The following PLD5 variants were observed in gnomAD, a reference collection of about 807,000 sequenced individuals.
PLD5 encodes phospholipase D family member 5.
PLD5 carries 36 observed loss-of-function variants against 61.1 expected under a neutral mutation model. The observed-to-expected ratio is 0.59, with a 90% CI of 0.45 to 0.78. PLD5 has a LOEUF of 0.78. Ranked by LOEUF, PLD5 falls within the 30% of genes least tolerant of loss-of-function variation. The pLI is 0.00. For synonymous variants in PLD5, 243 were observed against 242.8 expected, an observed-to-expected ratio of 1.00 and a Z score of -0.01; for missense variants, 515 against 644.4, an observed-to-expected ratio of 0.80 and a Z score of 2.17.
chr1:242,223,076 T>C (rs2149015784), intron 4 of PLD5, among the ~76,000 whole-genome samples: 1 of 152,274 alleles, frequency 6.6e-6, no homozygotes, highest in South Asian at 2.1e-4. Context: ...AAGTCCAAGA[T>C]CAAGGCATTG....
chr1:242,292,369 G>A (rs112924532), intron 2 of PLD5, among the ~76,000 whole-genome samples: 8,655 of 152,182 alleles, frequency 0.057, 292 homozygotes, highest in Middle Eastern at 0.11. Flanking sequence ...GATATAAAAG[G>A]TATATGGAGA....
intron 1 of PLD5, among the ~76,000 whole-genome samples, chr1:242,448,541 G>A (rs1309668968): frequency 6.6e-6 from 1 of 152,036 alleles, no homozygotes; most frequent in Non-Finnish European, 1.5e-5. Flanking sequence ...ATGTTTAGTG[G>A]CCCCATTGTT....
At chr1:242,132,190 T>TGCG (rs1316958874) in intron 5 of PLD5, among the ~76,000 whole-genome samples, 8 of 9,720 alleles carry the variant, frequency 8.2e-4, no homozygotes, top group African/African-American at 1.9e-3. Context: ...ATGCAGTGAT[T>TGCG]GCGGGGGGGG....
intron 1 of PLD5, among the ~76,000 whole-genome samples, chr1:242,382,573 A>G (rs4658812): frequency 0.45 from 67,750 of 151,506 alleles, 15,323 homozygotes; most frequent in East Asian, 0.59. Flanking sequence ...AGAAGTGCCT[A>G]ACAGGCTTGG....
intron 5 of PLD5, among the ~76,000 whole-genome samples, chr1:242,177,233 C>T (rs1184946791): frequency 2.6e-5 from 4 of 152,050 alleles, no homozygotes; most frequent in Middle Eastern, 3.2e-3. Context: ...TACTATGGAG[C>T]CATAAAAAAT....
At chr1:242,402,035 A>G (rs75145249) in intron 1 of PLD5, among the ~76,000 whole-genome samples, 12,955 of 152,278 alleles carry the variant, frequency 0.085, 643 homozygotes, top group Middle Eastern at 0.19. Context: ...TTCCGCCTGC[A>G]CCATGCTTCT....
At chr1:242,161,956 C>T (rs1253221784) in intron 5 of PLD5, among the ~76,000 whole-genome samples, 1 of 152,170 alleles carries the variant, frequency 6.6e-6, no homozygotes, top group Non-Finnish European at 1.5e-5. Context: ...ACAACAGACA[C>T]AGCTGTTCAA....
At chr1:242,351,356 C>T (rs1393043569) in intron 1 of PLD5, among the ~76,000 whole-genome samples, 2 of 152,062 alleles carry the variant, frequency 1.3e-5, no homozygotes, top group Non-Finnish European at 2.9e-5. Context: ...GTGTCCCCAC[C>T]CAAATCTCAT....
At chr1:242,340,357 G>GTAAT (rs941680750) in intron 2 of PLD5, among the ~76,000 whole-genome samples, 11 of 152,034 alleles carry the variant, frequency 7.2e-5, no homozygotes, top group African/African-American at 2.4e-4. Context: ...GAGCAACACT[G>GTAAT]TAATTTAAAA....
chr1:242,284,119 C>CTTTT (rs565165218), intron 3 of PLD5, among the ~76,000 whole-genome samples: 18 of 75,948 alleles, frequency 2.4e-4, no homozygotes, highest in East Asian at 4.3e-4. Context: ...TTTCTTTTTC[C>CTTTT]TTTTTTTTTT....
chr1:242,514,236 C>G (rs1427785472), intron 1 of PLD5, among the ~76,000 whole-genome samples: 1 of 152,174 alleles, frequency 6.6e-6, no homozygotes. Context: ...CCCAGATATA[C>G]TTGTTAAGTC....
At chr1:242,224,014 C>T (rs776169272) in intron 4 of PLD5, among the ~76,000 whole-genome samples, 16 of 152,142 alleles carry the variant, frequency 1.1e-4, no homozygotes, top group Non-Finnish European at 1.8e-4. Context: ...TTATGTAATA[C>T]GTATTAGGAA....
At position 242,160,624 on chromosome 1, in the gene PLD5, C is replaced by T. The variant is rs185712698; in HGVS notation, c.736-35959G>A. Among the ~76,000 whole-genome samples the T allele has an allele frequency of 8.6e-4, 131 of 152,248 alleles. 1 individual carries two copies. The East Asian group carries it at 0.016, about 19-fold the overall frequency. ...TATTTTGGCCGAGTGTGGTGGCTCTCGCCTGTAATCCCAGCACTTTGGGAG... is the reference window on the plus strand; with the variant it reads ...TATTTTGGCCGAGTGTGGTGGCTCTTGCCTGTAATCCCAGCACTTTGGGAG... On this transcript the variant is annotated intron_variant, in intron 5 of 9. Transcript: ENST00000536534.
At chr1:242,258,467 A>C (rs1673203085) in intron 4 of PLD5, among the ~76,000 whole-genome samples, 2 of 152,244 alleles carry the variant, frequency 1.3e-5, no homozygotes, top group Admixed American at 1.3e-4. Context: ...TTTTAAAATA[A>C]CACTTATTAC....
intron 1 of PLD5, among the ~76,000 whole-genome samples, chr1:242,474,217 AG>A (rs1211699603): frequency 2.6e-5 from 4 of 152,174 alleles, no homozygotes; most frequent in Non-Finnish European, 4.4e-5. Flanking sequence ...ACCTAATATA[AG>A]CCTCAATCTC....
chr1:242,260,807 C>T (rs35462169), intron 4 of PLD5, among the ~76,000 whole-genome samples: 37,695 of 152,050 alleles, frequency 0.25, 5,589 homozygotes, highest in Non-Finnish European at 0.34. Context: ...GGCCACAGTA[C>T]AGAGTAGACT....
intron 1 of PLD5, among the ~76,000 whole-genome samples, chr1:242,379,945 C>T (rs1662186735): frequency 6.6e-6 from 1 of 152,208 alleles, no homozygotes; most frequent in African/African-American, 2.4e-5. Context: ...TCCACACTAA[C>T]ATATTAATGG....
At chr1:242,220,411 A>G (rs967212004) in intron 4 of PLD5, among the ~76,000 whole-genome samples, 3 of 152,184 alleles carry the variant, frequency 2.0e-5, no homozygotes, top group African/African-American at 7.2e-5. Flanking sequence ...CGGCTTCTCA[A>G]CTCAGATCTG....
At chr1:242,194,664 A>ATCTATCTATCTATCTATCTATCTG (rs1558329022) in intron 5 of PLD5, among the ~76,000 whole-genome samples, 14 of 150,670 alleles carry the variant, frequency 9.3e-5, no homozygotes, top group South Asian at 6.3e-4. Flanking sequence ...CTATCTATCT[A>ATCTATCTATCTATCTATCTATCTG]TCTACCTATC....
Sources: allele counts gnomAD v4.1 joint callset (sites outside exome capture counted in the v4.1 genomes callset), GRCh38; gene constraint gnomAD v4.1.1; transcripts MANE v1.5; gene names NCBI Gene and HGNC (gene_info 2026-07-23, HGNC 2026-07-21).